QARS1: variants seen among roughly 807,000 people sequenced by gnomAD.
QARS1 encodes glutaminyl-tRNA synthetase 1.
QARS1 carries 79 observed loss-of-function variants against 106.9 expected under a neutral mutation model. The ratio of observed to expected loss-of-function variants is 0.74; its 90% CI spans 0.62 to 0.89. The LOEUF (loss-of-function observed/expected upper bound fraction) is 0.89. QARS1 is among the 40% of genes least tolerant of loss of function. The pLI, the probability that QARS1 is intolerant of heterozygous loss-of-function variation, is 0.00. For synonymous variants in QARS1, 395 were observed against 367.7 expected, an observed-to-expected ratio of 1.07 and a Z score of -0.85; for missense variants, 966 against 997.2, an observed-to-expected ratio of 0.97 and a Z score of 0.42.
chr3:49,104,153 C>G (rs1052564866), intron 2 of QARS1, 171 bp downstream of exon 2: 1 of 1,169,868 alleles, frequency 8.5e-7, no homozygotes, highest in Non-Finnish European at 1.3e-6. Context: ...CCCCCTCAGA[C>G]CCTGACAGTT....
intron 10 of QARS1, among the ~76,000 whole-genome samples, chr3:49,100,960 TC>T (rs1191358581): frequency 6.6e-6 from 1 of 152,188 alleles, no homozygotes; most frequent in African/African-American, 2.4e-5. Context: ...CAGATTGGTT[TC>T]GAACTCCTGA....
chr3:49,104,390 G>A lies in QARS1; in HGVS notation c.199C>T (p.Arg67Trp). ...YGLASRLRDT[R>W]RLSFLVSYIA... ...TAGCTTACAAGGAAGGAGAGACGCCGGGTATCCCTGAGTCGGGAGGCCAAG... is the reference window on the plus strand; with the variant it reads ...TAGCTTACAAGGAAGGAGAGACGCCAGGTATCCCTGAGTCGGGAGGCCAAG... Residue 67 changes from arginine (R) to tryptophan (W), a missense_variant, in exon 2 of 24, where the codon CGG becomes TGG. Transcript: ENST00000306125. The A allele has an allele frequency of 1.2e-6, 2 of 1,614,194 alleles. No individual in the cohort carries two copies. The highest frequency in any genetic ancestry group is 1.7e-6 in the Non-Finnish European group (2 of 1,180,024).
chr3:49,104,670 C>T lies in QARS1; in HGVS notation c.64G>A (p.Glu22Lys), dbSNP rs2042517058. ...CTCAGAGCCGAGTTCTTGAGCGTCT[C>T]GCGGGCCTTCTGCTCGCTCAGGCCG... ...SLGLSEQKARETLKNSALSAQ... is the reference protein window; with the variant it reads ...SLGLSEQKARKTLKNSALSAQ... The change falls in exon 1 of 24, where the codon GAG (glutamate) becomes AAG (lysine). Residue 22 changes from glutamate to lysine, a missense_variant. Coordinates refer to ENST00000306125, the MANE Select transcript of QARS1 (RefSeq NM_005051.3). 1.2e-6 allele frequency: 2 copies of T among 1,610,408 alleles called. No homozygotes were observed. Among genetic ancestry groups the T allele is most frequent in the Non-Finnish European group, 1.7e-6 (2 of 1,177,648 alleles).
rs145343705 is a variant in QARS1, at chr3:49,098,612, C to A, written c.1944G>T (p.Gln648His). The change falls in exon 20 of 24, where the codon CAG (glutamine) becomes CAT (histidine). Residue 648 changes from glutamine (Q) to histidine (H), a missense_variant. By Grantham distance (24) the Gln-to-His change is conservative (BLOSUM62 0). Transcript: ENST00000306125. ...AGCTGGCTCTCACCTTGACAACATGCTGCAGCTCAATGACGTAGCCTGTAT... is the reference window on the plus strand; with the variant it reads ...AGCTGGCTCTCACCTTGACAACATGATGCAGCTCAATGACGTAGCCTGTAT... The part of the protein sequence containing the change: ...LRHTGYVIEL[Q>H]HVVKGPSGCV... 3.7e-6 allele frequency: 6 copies of A among 1,611,478 alleles called. No homozygotes were observed. The highest frequency in any genetic ancestry group is 5.1e-6 in the Non-Finnish European group (6 of 1,178,580).
intron 7 of QARS1, 145 bp from the exon 8 acceptor site, chr3:49,102,044 C>A: frequency 7.6e-7 from 1 of 1,320,954 alleles, no homozygotes; most frequent in South Asian, 1.4e-5. Context: ...TCATGCCAGT[C>A]TCTGGGCAAA....
rs2042446176 is a variant in QARS1 at position 49,099,959 on chromosome 3, A to G, written c.1295+2T>C. 5.0e-6 allele frequency: 8 copies of G among 1,613,840 alleles called. No individual in the cohort carries two copies. The highest frequency in any genetic ancestry group is 5.9e-6 in the Non-Finnish European group (7 of 1,179,988). ...CACCACCCCACCCCATTCTACACCCACCATTTGTCCCCTGTGCGGTGGTGT... is the reference window on the plus strand; with the variant it reads ...CACCACCCCACCCCATTCTACACCCGCCATTTGTCCCCTGTGCGGTGGTGT... On this transcript the variant is annotated splice_donor_variant, in intron 14 of 23. Transcript: ENST00000306125. LOFTEE classifies it high-confidence loss of function.
At chr3:49,104,161 G>T in intron 2 of QARS1, 163 bp downstream of exon 2, 1 of 1,185,272 alleles carries the variant, frequency 8.4e-7, no homozygotes, top group Non-Finnish European at 1.3e-6. Context: ...GACCCTGACA[G>T]TTCCCGTGTC....
intron 23 of QARS1, among the ~76,000 whole-genome samples, chr3:49,096,320 T>A (rs541462400): frequency 6.6e-6 from 1 of 152,186 alleles, no homozygotes; most frequent in Non-Finnish European, 1.5e-5. Flanking sequence ...GGGTATAGTT[T>A]TATATGGATT....
At chr3:49,100,729 C>T in intron 10 of QARS1, 55 bp from the exon 11 acceptor site, 1 of 1,382,446 alleles carries the variant, frequency 7.2e-7, no homozygotes, top group Non-Finnish European at 1.0e-6. Context: ...CCCCACAATC[C>T]TGTTTATCAA....
chr3:49,102,488 A>C lies in QARS1; in HGVS notation c.517-16T>G. 1 of 1,614,040 alleles carries C rather than the reference A, an allele frequency of 6.2e-7. No homozygotes were observed. Among genetic ancestry groups the C allele is most frequent in the South Asian group, 1.1e-5 (1 of 91,076 alleles). On this transcript the variant is annotated splice_polypyrimidine_tract_variant and intron_variant, in intron 5 of 23. Transcript: ENST00000306125. ...GGTGGAGGACCTGAGCAGAGACCAG[A>C]ATCAGGCAGAGGCAGGAGTATCCTC...
At position 49,098,472 on chromosome 3, in the gene QARS1, A is replaced by C; in HGVS notation, c.1965T>G (p.Ser655Arg). The change falls in exon 21 of 24, where the codon AGT (serine) becomes AGG (arginine). Residue 655 changes from serine (S) to arginine (R), a missense_variant. Transcript: ENST00000306125. ...TCACCTCCAGACTCTCTACACAACC[A>C]CTGGGGCCCTGGAAGTGGGGGGAGG... ...IELQHVVKGP[S>R]GCVESLEVTC... 1 of 1,613,796 alleles carries C rather than the reference A, an allele frequency of 6.2e-7. No individual in the cohort carries two copies. The highest frequency in any genetic ancestry group is 8.5e-7 in the Non-Finnish European group (1 of 1,179,894).
Position 49,098,220 on chromosome 3 carries a change from G to A in QARS1, c.2123C>T (p.Pro708Leu), listed in dbSNP as rs142327602. The change falls in exon 22 of 24, where the codon CCT becomes CTT. Residue 708 changes from proline to leucine, a missense_variant. Transcript: ENST00000306125. ...GTTCAGGTCACTTAAAAATCCACCA[G>A]GCACCTCAGTAGGATCTTCAGGGTT... ...HKNPEDPTEVPGGFLSDLNLA... is the reference protein window; with the variant it reads ...HKNPEDPTEVLGGFLSDLNLA... The A allele has an allele frequency of 1.5e-4, 247 of 1,614,152 alleles. No homozygotes were observed. In the African/African-American group the frequency reaches 3.0e-3, roughly 19 times the overall value.
At chr3:49,101,536 G>A in intron 9 of QARS1, 84 bp downstream of exon 9, 1 of 1,573,560 alleles carries the variant, frequency 6.4e-7, no homozygotes. Context: ...ATGGTGATGG[G>A]TGAGATGGGG....
intron 10 of QARS1, 70 bp downstream of exon 10, chr3:49,101,285 G>T (rs1370758526): frequency 1.6e-6 from 2 of 1,220,828 alleles, no homozygotes; most frequent in African/African-American, 1.5e-5. Context: ...AGCAAGGCAG[G>T]GATATGGTAT....
chr3:49,099,666 G>GT lies in QARS1; in HGVS notation c.1389-20dup, dbSNP rs754961432. 8.7e-6 allele frequency: 14 copies of GT among 1,612,734 alleles called. No individual in the cohort carries two copies. In the East Asian group the frequency reaches 2.9e-4, roughly 33 times the overall value. Reference sequence around the variant, plus strand: ...AGAGCGTCTGGGGTGGGAGAGTAGGGTTAGCACTGGCCAGCTCTGGAACCA... The same window carrying GT: ...AGAGCGTCTGGGGTGGGAGAGTAGGGTTTAGCACTGGCCAGCTCTGGAACCA... On this transcript the variant is annotated intron_variant, in intron 15 of 23. Coordinates refer to ENST00000306125, the MANE Select transcript of QARS1 (RefSeq NM_005051.3).
intron 7 of QARS1, 35 bp downstream of exon 7, chr3:49,102,170 G>A (rs1181621512): frequency 6.2e-7 from 1 of 1,613,456 alleles, no homozygotes; most frequent in Non-Finnish European, 8.5e-7. Flanking sequence ...AAGTCAGGGA[G>A]CTGAATGCTG....
At chr3:49,099,453 G>A in intron 16 of QARS1, 22 bp from the exon 17 acceptor site, 1 of 1,614,178 alleles carries the variant, frequency 6.2e-7, no homozygotes, top group South Asian at 1.1e-5. Flanking sequence ...AAGGTGGTGA[G>A]AAGGCCTTTG....
At position 49,101,636 on chromosome 3, in the gene QARS1, T is replaced by C. The variant is rs758295796; in HGVS notation, c.773A>G (p.Glu258Gly). 1.2e-6 allele frequency: 2 copies of C among 1,613,714 alleles called. No homozygotes were observed. The highest frequency in any genetic ancestry group is 1.7e-6 in the Non-Finnish European group (2 of 1,179,992). The change falls in exon 9 of 24, where the codon GAG becomes GGG. Residue 258 changes from glutamate (E) to glycine (G), a missense_variant. Glu to Gly is a moderately conservative substitution (Grantham distance 98, BLOSUM62 -2). Coordinates refer to ENST00000306125, the MANE Select transcript of QARS1 (RefSeq NM_005051.3). The part of the protein sequence containing the change: ...HTMNLLKQHL[E>G]ITGGQVRTRF... ...CCCACACACCTGCCCACCAGTAATCTCCAGGTGCTGCTTTAGTAGATTCAT... is the reference window on the plus strand; with the variant it reads ...CCCACACACCTGCCCACCAGTAATCCCCAGGTGCTGCTTTAGTAGATTCAT...
intron 21 of QARS1, 40 bp from the exon 22 acceptor site, chr3:49,098,298 C>T (rs1159164812): frequency 2.5e-6 from 4 of 1,614,104 alleles, no homozygotes; most frequent in Non-Finnish European, 3.4e-6. Context: ...GCTGGGCAGC[C>T]ATAGCAGGCA....
Sources: allele counts gnomAD v4.1 joint callset (sites outside exome capture counted in the v4.1 genomes callset), GRCh38; gene constraint gnomAD v4.1.1; transcripts MANE v1.5; gene names NCBI Gene and HGNC (gene_info 2026-07-23, HGNC 2026-07-21).